FAM178B: variants seen among roughly 807,000 people sequenced by gnomAD.
The protein encoded by FAM178B is family with sequence similarity 178 member B.
In FAM178B, 82 loss-of-function variants were observed where a neutral mutation model predicts 91.7. That is an observed-to-expected ratio of 0.89 (90% CI 0.75 to 1.07). The LOEUF is 1.07. Among genes scored for constraint, FAM178B ranks in the 50% least tolerant of loss-of-function variants. The pLI is 0.00. For synonymous variants in FAM178B, 368 were observed against 359.4 expected, an observed-to-expected ratio of 1.02 and a Z score of -0.27; for missense variants, 769 against 846.7, an observed-to-expected ratio of 0.91 and a Z score of 1.14.
chr2:96,902,557 G>T, intron 13 of FAM178B, 63 bp downstream of exon 13: 1 of 1,161,072 alleles, frequency 8.6e-7, no homozygotes, highest in Non-Finnish European at 1.3e-6. Flanking sequence ...CCTGGCCTTT[G>T]GGGAAAGCCT....
In FAM178B at chr2:96,962,265, G is replaced by A. The variant is rs369924378; in HGVS notation, c.735-1825C>T. On this transcript the variant is annotated intron_variant, in intron 5 of 16. Coordinates refer to ENST00000490605, the MANE Select transcript of FAM178B (RefSeq NM_001122646.3). ...TGCGGTAAGCCGAGATTGCACCGCT[G>A]CACTCCTGCCTGGGTGACAGAGCAA... Among the ~76,000 whole-genome samples, 20 of 152,152 alleles carry A rather than the reference G, an allele frequency of 1.3e-4. No individual in the cohort carries two copies. The South Asian group carries it at 3.5e-3, about 27-fold the overall frequency.
chr2:96,910,177 G>A (rs555661676), intron 12 of FAM178B, among the ~76,000 whole-genome samples: 1 of 152,222 alleles, frequency 6.6e-6, no homozygotes, highest in African/African-American at 2.4e-5. Context: ...TTCTACGTAT[G>A]TGCTCCCAAG....
At chr2:96,976,697 A>C (rs2082293262) in intron 1 of FAM178B, among the ~76,000 whole-genome samples, 1 of 150,516 alleles carries the variant, frequency 6.6e-6, no homozygotes, top group African/African-American at 2.4e-5. Context: ...ATACAAAAAA[A>C]ATTAGCCAGG....
chr2:96,937,413 C>T (rs1354651104), intron 8 of FAM178B, among the ~76,000 whole-genome samples: 3 of 152,130 alleles, frequency 2.0e-5, no homozygotes, highest in Admixed American at 6.6e-5. Context: ...GCCACACTCC[C>T]GTGCTCTGGT....
chr2:96,955,796 T>C (rs1559095335), intron 6 of FAM178B, among the ~76,000 whole-genome samples: 1 of 152,248 alleles, frequency 6.6e-6, no homozygotes, highest in Non-Finnish European at 1.5e-5. Flanking sequence ...TGCAGCCAGC[T>C]GGAAGGCTCA....
chr2:96,901,176 C>CT (rs1195230304), intron 13 of FAM178B, among the ~76,000 whole-genome samples: 231 of 132,468 alleles, frequency 1.7e-3, no homozygotes, highest in South Asian at 6.6e-3. Flanking sequence ...ATTCTTTTTT[C>CT]TTTTTTTTTT....
At chr2:96,943,843 G>C (rs983342013) in intron 8 of FAM178B, among the ~76,000 whole-genome samples, 9 of 152,170 alleles carry the variant, frequency 5.9e-5, no homozygotes, top group African/African-American at 1.9e-4. Flanking sequence ...CCGCCCAAAG[G>C]CTGCAGATCA....
Position 96,902,695 on chromosome 2 carries a change from G to A in FAM178B, c.1575C>T (p.Ser525=). The change falls in exon 13 of 17, where the codon AGC becomes AGT. Residue 525 remains serine (S), a synonymous_variant. Coordinates refer to ENST00000490605, the MANE Select transcript of FAM178B (RefSeq NM_001122646.3). The stretch of plus-strand genomic sequence containing the variant: ...GAGCAATGACCACAAGGCTGAGCTG[G>A]CTTCGAAGCCGCCTGGGGGAAAAGC... ...DMTSRSRRLR[S]QLSLVVIARM... 1 of 1,550,548 alleles carries A rather than the reference G, an allele frequency of 6.4e-7. No individual in the cohort carries two copies. Among genetic ancestry groups the A allele is most frequent in the Non-Finnish European group, 8.7e-7 (1 of 1,146,398 alleles).
intron 12 of FAM178B, among the ~76,000 whole-genome samples, chr2:96,911,749 T>G (rs2081163065): frequency 6.6e-6 from 1 of 152,028 alleles, no homozygotes; most frequent in South Asian, 2.1e-4. Context: ...GAATGAGCAC[T>G]GTGGGAGATT....
intron 12 of FAM178B, among the ~76,000 whole-genome samples, chr2:96,917,801 A>G (rs2081266618): frequency 6.6e-6 from 1 of 152,210 alleles, no homozygotes; most frequent in African/African-American, 2.4e-5. Context: ...GGCTGCAGTG[A>G]GCCATGATGG....
At chr2:96,923,655 T>TG in intron 9 of FAM178B, 72 bp from the exon 10 acceptor site, 2 of 1,114,830 alleles carry the variant, frequency 1.8e-6, no homozygotes, top group Non-Finnish European at 2.7e-6. Context: ...AGGCGCAAAG[T>TG]GGGACACTGC....
chr2:96,903,905 T>A (rs2080981344), intron 12 of FAM178B, among the ~76,000 whole-genome samples: 1 of 152,118 alleles, frequency 6.6e-6, no homozygotes, highest in Non-Finnish European at 1.5e-5. Context: ...GTCAAGAAAG[T>A]CAGAGGACTC....
At chr2:96,957,465 C>A (rs534187924) in intron 6 of FAM178B, among the ~76,000 whole-genome samples, 1 of 152,276 alleles carries the variant, frequency 6.6e-6, no homozygotes, top group Admixed American at 6.5e-5. Flanking sequence ...CTCTACTGAG[C>A]CTCATTAGCA....
At chr2:96,938,295 C>A (rs1372147891) in intron 8 of FAM178B, among the ~76,000 whole-genome samples, 1 of 152,190 alleles carries the variant, frequency 6.6e-6, no homozygotes, top group East Asian at 1.9e-4. Flanking sequence ...AACGAACTCA[C>A]CTGGGCCTCA....
At position 96,963,119 on chromosome 2, in the gene FAM178B, A is replaced by G. The variant is rs192289129; in HGVS notation, c.735-2679T>C. ...CAAAGCCAGGACTACCTTCTGCGTT[A>G]AGCTGGTTGCACAGATAACTTCCTT... On this transcript the variant is annotated intron_variant, in intron 5 of 16. Transcript: ENST00000490605. 9.0e-4 allele frequency among the ~76,000 whole-genome samples: 137 copies of G among 152,324 alleles called. 1 individual carries two copies. Among genetic ancestry groups the G allele is most frequent in the African/African-American group, 3.2e-3 (134 of 41,568 alleles).
chr2:96,882,493 C>T (rs974649774), intron 14 of FAM178B, among the ~76,000 whole-genome samples: 9 of 152,226 alleles, frequency 5.9e-5, no homozygotes, highest in Admixed American at 4.6e-4. Context: ...AGCTGCGCTT[C>T]CTGCTTCCTT....
At chr2:96,878,071 G>T (rs199755548) in intron 15 of FAM178B, 29 bp from the exon 16 acceptor site, 3 of 1,602,074 alleles carry the variant, frequency 1.9e-6, no homozygotes, top group Non-Finnish European at 2.5e-6. Context: ...GCCAAGAAGC[G>T]GGTGTAGCAC....
At chr2:96,971,072 C>T (rs1175196958) in intron 3 of FAM178B, among the ~76,000 whole-genome samples, 3 of 151,816 alleles carry the variant, frequency 2.0e-5, no homozygotes, top group South Asian at 2.1e-4. Flanking sequence ...ACATCACAGG[C>T]GCCAGCACAC....
intron 13 of FAM178B, 77 bp from the exon 14 acceptor site, chr2:96,894,128 G>A (rs1276674122): frequency 2.5e-5 from 38 of 1,516,030 alleles, no homozygotes; most frequent in Non-Finnish European, 3.2e-5. Flanking sequence ...AATCGGCCTG[G>A]ACACCTCAGC....
Sources: allele counts gnomAD v4.1 joint callset (sites outside exome capture counted in the v4.1 genomes callset), GRCh38; gene constraint gnomAD v4.1.1; transcripts MANE v1.5; gene names NCBI Gene and HGNC (gene_info 2026-07-23, HGNC 2026-07-21).